The following FBXL7 variants were observed in gnomAD, a reference collection of about 807,000 sequenced individuals.
FBXL7 encodes the protein F-box and leucine rich repeat protein 7, also known as F-box/LRR-repeat protein 7.
A neutral mutation model predicts 38.3 loss-of-function variants in FBXL7; 12 were observed. The ratio of observed to expected loss-of-function variants is 0.31; its 90% confidence interval spans 0.20 to 0.51. The LOEUF (loss-of-function observed/expected upper bound fraction) is 0.51. FBXL7 is among the 20% of genes least tolerant of loss of function. The probability of loss-of-function intolerance (pLI) is 0.98; values close to 1 mark genes in which losing one functional copy is unlikely to be tolerated. For synonymous variants in FBXL7, 297 were observed against 300.9 expected (o/e 0.99, Z 0.13); for missense variants, 567 against 676.4 (o/e 0.84, Z 1.79).
chr5:15,660,155 T>C (rs1055122411), intron 2 of FBXL7, among the ~76,000 whole-genome samples: 3 of 152,220 alleles, frequency 2.0e-5, no homozygotes. Context: ...TAGGCAGGGA[T>C]ACTCACTCCT....
At chr5:15,890,909 A>ATAAAAT (rs1310768245) in intron 2 of FBXL7, among the ~76,000 whole-genome samples, 2 of 152,214 alleles carry the variant, frequency 1.3e-5, no homozygotes, top group African/African-American at 4.8e-5. Flanking sequence ...TTAGGATAAA[A>ATAAAAT]TAAAATTACT....
intron 1 of FBXL7, among the ~76,000 whole-genome samples, chr5:15,556,053 CT>C (rs1738228330): frequency 6.6e-6 from 1 of 151,028 alleles, no homozygotes; most frequent in Admixed American, 6.6e-5. Context: ...CATCTATTAT[CT>C]ATCATTATCT....
intron 2 of FBXL7, among the ~76,000 whole-genome samples, chr5:15,621,813 C>T (rs1433443605): frequency 2.0e-5 from 3 of 152,162 alleles, no homozygotes; most frequent in African/African-American, 7.2e-5. Flanking sequence ...TATCTTGGTT[C>T]TACACATTGG....
chr5:15,775,680 C>G (rs990510856), intron 2 of FBXL7, among the ~76,000 whole-genome samples: 1 of 152,094 alleles, frequency 6.6e-6, no homozygotes, highest in African/African-American at 2.4e-5. Flanking sequence ...ATTGTTTCAG[C>G]TAATTCAGAA....
chr5:15,912,391 G>A (rs868723688), intron 2 of FBXL7, among the ~76,000 whole-genome samples: 1 of 139,316 alleles, frequency 7.2e-6, no homozygotes, highest in African/African-American at 2.8e-5. Context: ...GCTCGCGCAC[G>A]GTGCGCACAC....
intron 2 of FBXL7, among the ~76,000 whole-genome samples, chr5:15,924,147 T>C (rs1001889616): frequency 1.3e-5 from 2 of 152,158 alleles, no homozygotes; most frequent in Non-Finnish European, 2.9e-5. Flanking sequence ...AGTCCAAAAT[T>C]GGTTTATATT....
At chr5:15,821,642 A>G (rs1302425950) in intron 2 of FBXL7, among the ~76,000 whole-genome samples, 1 of 152,212 alleles carries the variant, frequency 6.6e-6, no homozygotes, top group African/African-American at 2.4e-5. Flanking sequence ...TCACAGTTCT[A>G]TGAGGAAGTA....
chr5:15,785,192 C>T (rs945744605), intron 2 of FBXL7, among the ~76,000 whole-genome samples: 1 of 152,216 alleles, frequency 6.6e-6, no homozygotes, highest in African/African-American at 2.4e-5. Flanking sequence ...TGTATACATA[C>T]ATTGCGTGCT....
intron 2 of FBXL7, among the ~76,000 whole-genome samples, chr5:15,916,645 G>A (rs749222617): frequency 1.1e-4 from 17 of 152,136 alleles, no homozygotes; most frequent in Non-Finnish European, 2.4e-4. Flanking sequence ...TACCATATCC[G>A]AGGAAAACAA....
intron 2 of FBXL7, among the ~76,000 whole-genome samples, chr5:15,689,207 A>G (rs1385762929): frequency 2.0e-5 from 3 of 148,392 alleles, no homozygotes; most frequent in African/African-American, 5.0e-5. Flanking sequence ...TCTTGTTCCA[A>G]CTCTTTTCTC....
At chr5:15,888,258 C>T (rs1177948838) in intron 2 of FBXL7, among the ~76,000 whole-genome samples, 1 of 150,878 alleles carries the variant, frequency 6.6e-6, no homozygotes, top group East Asian at 2.0e-4. Context: ...GATGGAGTTT[C>T]GCTCTGTCAC....
intron 2 of FBXL7, among the ~76,000 whole-genome samples, chr5:15,904,931 C>T (rs1339493185): frequency 6.6e-6 from 1 of 152,062 alleles, no homozygotes; most frequent in East Asian, 1.9e-4. Context: ...AAACGATGAG[C>T]CAGAATCCAC....
intron 2 of FBXL7, among the ~76,000 whole-genome samples, chr5:15,872,083 G>A (rs1739990679): frequency 6.6e-6 from 1 of 152,166 alleles, no homozygotes; most frequent in Non-Finnish European, 1.5e-5. Context: ...ACTAAGAGCG[G>A]ATCTCTCTGC....
intron 2 of FBXL7, among the ~76,000 whole-genome samples, chr5:15,768,022 G>A (rs966447638): frequency 3.9e-5 from 6 of 152,118 alleles, no homozygotes; most frequent in African/African-American, 7.2e-5. Context: ...CATAATAATA[G>A]TATTTGAAAT....
intron 1 of FBXL7, among the ~76,000 whole-genome samples, chr5:15,519,506 A>T (rs1265266040): frequency 1.3e-5 from 2 of 152,118 alleles, no homozygotes; most frequent in Non-Finnish European, 2.9e-5. Flanking sequence ...TGAGACAGGA[A>T]CTTCCTGTCT....
chr5:15,684,770 A>C (rs922616973), intron 2 of FBXL7, among the ~76,000 whole-genome samples: 5 of 152,218 alleles, frequency 3.3e-5, no homozygotes, highest in African/African-American at 1.2e-4. Flanking sequence ...AGGGGCTACA[A>C]GTCAACAAAT....
intron 1 of FBXL7, among the ~76,000 whole-genome samples, chr5:15,531,891 G>C (rs1737442885): frequency 6.6e-6 from 1 of 152,074 alleles, no homozygotes; most frequent in South Asian, 2.1e-4. Context: ...CTGCAGTGTG[G>C]GTTTATGCTT....
intron 2 of FBXL7, among the ~76,000 whole-genome samples, chr5:15,768,744 C>T (rs1467886214): frequency 1.3e-5 from 2 of 152,148 alleles, no homozygotes; most frequent in African/African-American, 2.4e-5. Context: ...AGTGCTGGTC[C>T]AGCCAGGGCT....
At chr5:15,725,126 T>C (rs1579410274) in intron 2 of FBXL7, among the ~76,000 whole-genome samples, 1 of 152,236 alleles carries the variant, frequency 6.6e-6, no homozygotes, top group Admixed American at 6.5e-5. Context: ...TAGTATTTTT[T>C]CCATTTTATC....
Sources: gnomAD v4.1 joint callset for allele counts (sites outside exome capture counted in the v4.1 genomes callset) on GRCh38, gnomAD v4.1.1 for gene constraint, MANE v1.5 for transcripts, NCBI Gene and HGNC (gene_info 2026-07-23, HGNC 2026-07-21) for gene names.